Variants in ZDHHC17 observed in about 807,000 individuals in gnomAD.
The protein encoded by ZDHHC17 is palmitoyltransferase ZDHHC17.
In ZDHHC17, 40 loss-of-function variants were observed where a neutral mutation model predicts 90.3. The observed-to-expected ratio is 0.44, with a 90% CI of 0.34 to 0.58. The LOEUF is 0.58. Ranked by LOEUF, ZDHHC17 falls within the 20% of genes least tolerant of loss-of-function variation. The pLI, the probability that ZDHHC17 is intolerant of heterozygous loss-of-function variation, is 0.01. For synonymous variants in ZDHHC17, 235 were observed against 252.4 expected (o/e 0.93, Z 0.65); for missense variants, 614 against 780.8 (o/e 0.79, Z 2.55).
chr12:76,784,770 A>C (rs1174781318), intron 1 of ZDHHC17, among the ~76,000 whole-genome samples: 1 of 152,250 alleles, frequency 6.6e-6, no homozygotes, highest in Non-Finnish European at 1.5e-5. Flanking sequence ...AAGAATTGTA[A>C]CAGGAGATGA....
intron 1 of ZDHHC17, among the ~76,000 whole-genome samples, chr12:76,790,903 A>G (rs1216184377): frequency 7.8e-6 from 1 of 127,702 alleles, no homozygotes; most frequent in African/African-American, 2.8e-5. Flanking sequence ...AGTGTTCTAT[A>G]GTATTACAGA....
chr12:76,766,881 A>G (rs1487618680), intron 1 of ZDHHC17, among the ~76,000 whole-genome samples: 1 of 152,016 alleles, frequency 6.6e-6, no homozygotes, highest in Non-Finnish European at 1.5e-5. Flanking sequence ...TTAGCTGAGC[A>G]TGGTGGTACA....
chr12:76,805,470 AACTT>A, intron 3 of ZDHHC17, 31 bp downstream of exon 3: 1 of 1,435,576 alleles, frequency 7.0e-7, no homozygotes, highest in Non-Finnish European at 9.4e-7. Flanking sequence ...TAATTATTAG[AACTT>A]GACTTTTTAT....
chr12:76,822,767 C>T (rs1953181349), intron 8 of ZDHHC17, among the ~76,000 whole-genome samples: 1 of 151,650 alleles, frequency 6.6e-6, no homozygotes, highest in Admixed American at 6.6e-5. Context: ...CCGTGTTGGC[C>T]ATGGTGACTT....
At chr12:76,765,396 G>A (rs972686899) in intron 1 of ZDHHC17, among the ~76,000 whole-genome samples, 1 of 152,128 alleles carries the variant, frequency 6.6e-6, no homozygotes, top group African/African-American at 2.4e-5. Flanking sequence ...CGTCACTTTG[G>A]TTTATCAAAA....
At chr12:76,806,829 G>A (rs1952959967) in intron 3 of ZDHHC17, among the ~76,000 whole-genome samples, 1 of 152,246 alleles carries the variant, frequency 6.6e-6, no homozygotes, top group African/African-American at 2.4e-5. Flanking sequence ...AATGTAAAAT[G>A]AACTAAATGA....
rs552478082 is a variant in ZDHHC17 at position 76,812,759 on chromosome 12, T to G, written c.544-2387T>G. Among the ~76,000 whole-genome samples, 10 of 152,300 alleles carry G rather than the reference T, an allele frequency of 6.6e-5. 1 individual carries two copies. In the South Asian group the frequency reaches 1.4e-3, roughly 22 times the overall value. ...TTACATTGTCAGGGTATATAACATT[T>G]CCATTCAGTTTTGTCATTCTATTCT... On this transcript the variant is annotated intron_variant, in intron 5 of 16. Transcript: ENST00000426126.
At chr12:76,799,068 T>C (rs1170982333) in intron 2 of ZDHHC17, among the ~76,000 whole-genome samples, 4 of 152,028 alleles carry the variant, frequency 2.6e-5, no homozygotes, top group Admixed American at 2.6e-4. Context: ...GCCTGAGAAT[T>C]CGAGGCTGCA....
chr12:76,790,599 A>T (rs1952749558), intron 1 of ZDHHC17, among the ~76,000 whole-genome samples: 1 of 152,230 alleles, frequency 6.6e-6, no homozygotes, highest in South Asian at 2.1e-4. Context: ...ACATGTATAG[A>T]TAGGGATTAA....
At chr12:76,788,603 G>A (rs1334919816) in intron 1 of ZDHHC17, among the ~76,000 whole-genome samples, 1 of 145,878 alleles carries the variant, frequency 6.9e-6, no homozygotes, top group African/African-American at 2.5e-5. Context: ...CAGGAGTCAA[G>A]TACAATAAAA....
intron 2 of ZDHHC17, 59 bp from the exon 3 acceptor site, chr12:76,805,258 T>G: frequency 1.4e-6 from 2 of 1,422,640 alleles, no homozygotes; most frequent in Non-Finnish European, 1.9e-6. Context: ...CAAAATGTTA[T>G]TTTTAACTTT....
chr12:76,849,118 T>TAAAAA (rs1035048447), intron 15 of ZDHHC17, among the ~76,000 whole-genome samples: 40 of 48,462 alleles, frequency 8.3e-4, no homozygotes, highest in Admixed American at 1.4e-3. Context: ...ACCCTATCTC[T>TAAAAA]AAAAAAAAAA....
chr12:76,796,214 T>C (rs1034337050), intron 1 of ZDHHC17, among the ~76,000 whole-genome samples: 8 of 152,182 alleles, frequency 5.3e-5, no homozygotes, highest in African/African-American at 1.9e-4. Flanking sequence ...CAAGAGAGCA[T>C]ATATTGTTCT....
chr12:76,805,923 A>C (rs77221896), intron 3 of ZDHHC17, among the ~76,000 whole-genome samples: 21,958 of 152,192 alleles, frequency 0.14, 1,965 homozygotes, highest in Non-Finnish European at 0.2. Context: ...CACCAGCATA[A>C]GTGATGAATA....
intron 2 of ZDHHC17, among the ~76,000 whole-genome samples, chr12:76,803,874 A>C (rs558799545): frequency 6.6e-6 from 1 of 152,310 alleles, no homozygotes; most frequent in South Asian, 2.1e-4. Context: ...CAGATTCATC[A>C]GTTATACTTG....
At chr12:76,780,918 G>A (rs1952615682) in intron 1 of ZDHHC17, among the ~76,000 whole-genome samples, 2 of 151,548 alleles carry the variant, frequency 1.3e-5, no homozygotes, top group South Asian at 4.2e-4. Context: ...TCAGGAGATC[G>A]AGACCATCCT....
chr12:76,809,062 G>A lies in ZDHHC17; in HGVS notation c.340G>A (p.Ala114Thr). The A allele has an allele frequency of 6.4e-7, 1 of 1,560,382 alleles. No individual in the cohort carries two copies. Among genetic ancestry groups the A allele is most frequent in the Non-Finnish European group, 8.7e-7 (1 of 1,154,216 alleles). The change falls in exon 4 of 17, where the codon GCT becomes ACT. Residue 114 changes from alanine to threonine, a missense_variant. By Grantham distance (58) the Ala-to-Thr change is moderately conservative (BLOSUM62 0). This residue lies in a region of ZDHHC17 where 358 missense variants were observed against 380.4 expected (regional missense o/e 0.94). Transcript: ENST00000426126. The stretch of plus-strand genomic sequence containing the variant: ...TTATAGATACTATATTTCGAAAGGT[G>A]CTATTGTGGATCAACTTGGAGGGGA... ...DLVKYYISKG[A>T]IVDQLGGDLN...
chr12:76,823,687 T>G (rs138490366), intron 8 of ZDHHC17, among the ~76,000 whole-genome samples: 1,685 of 152,266 alleles, frequency 0.011, 11 homozygotes, highest in Non-Finnish European at 0.017. Flanking sequence ...AAGACAAATT[T>G]AGGATAAAGA....
chr12:76,783,641 T>C (rs186229042), intron 1 of ZDHHC17, among the ~76,000 whole-genome samples: 326 of 152,368 alleles, frequency 2.1e-3, no homozygotes, highest in Non-Finnish European at 4.0e-3. Context: ...TTCTCCACTT[T>C]TATTTTCATC....
Sources: allele counts gnomAD v4.1 joint callset (sites outside exome capture counted in the v4.1 genomes callset), GRCh38; gene constraint gnomAD v4.1.1; regional missense constraint gnomAD v4.1.1; transcripts MANE v1.5; gene names NCBI Gene and HGNC (gene_info 2026-07-23, HGNC 2026-07-21).